NWD2: variants seen among roughly 807,000 people sequenced by gnomAD.
The protein encoded by NWD2 is NACHT and WD repeat domain-containing protein 2.
NWD2 carries 37 observed loss-of-function variants against 132.7 expected under a neutral mutation model. That is an observed-to-expected ratio of 0.28 (90% confidence interval 0.21 to 0.37). NWD2 has a LOEUF of 0.37. Ranked by LOEUF, NWD2 falls within the 10% of genes least tolerant of loss-of-function variation. The probability of loss-of-function intolerance (pLI) is 1.00; values close to 1 mark genes in which losing one functional copy is unlikely to be tolerated. For missense variants in NWD2, 1,592 were observed against 2,122.4 expected (o/e 0.75, Z 4.91); for synonymous variants, 705 against 803.0 (o/e 0.88, Z 2.06).
intron 5 of NWD2, among the ~76,000 whole-genome samples, chr4:37,437,820 T>C (rs781699899): frequency 1.3e-5 from 2 of 152,238 alleles, no homozygotes; most frequent in African/African-American, 2.4e-5. Context: ...CAAGCATATG[T>C]ATTGTAAGCC....
At chr4:37,287,894 A>G (rs1718268105) in intron 1 of NWD2, among the ~76,000 whole-genome samples, 1 of 152,222 alleles carries the variant, frequency 6.6e-6, no homozygotes, top group Admixed American at 6.5e-5. Flanking sequence ...ACAATAGCAA[A>G]GTCATGGAAC....
intron 2 of NWD2, among the ~76,000 whole-genome samples, chr4:37,333,716 A>T (rs7434368): frequency 1.3e-5 from 2 of 152,004 alleles, no homozygotes; most frequent in African/African-American, 4.8e-5. Flanking sequence ...GATCTCCCCA[A>T]ATGAGTTCAG....
chr4:37,389,039 G>C (rs1211517297), intron 3 of NWD2, among the ~76,000 whole-genome samples: 2 of 152,108 alleles, frequency 1.3e-5, no homozygotes, highest in Admixed American at 1.3e-4. Flanking sequence ...AAAACCATGA[G>C]AAGGGATGGA....
intron 3 of NWD2, among the ~76,000 whole-genome samples, chr4:37,374,333 T>G (rs1284091514): frequency 6.6e-5 from 10 of 152,176 alleles, no homozygotes; most frequent in Non-Finnish European, 1.5e-4. Flanking sequence ...ATGCCATGCT[T>G]GTTGTACAGC....
chr4:37,363,494 A>G (rs1720023766), intron 3 of NWD2, among the ~76,000 whole-genome samples: 1 of 152,228 alleles, frequency 6.6e-6, no homozygotes. Flanking sequence ...AGCAACATGG[A>G]TGAAGCTGGA....
intron 3 of NWD2, among the ~76,000 whole-genome samples, chr4:37,416,770 T>G (rs1363559781): frequency 1.3e-5 from 2 of 152,124 alleles, no homozygotes; most frequent in Non-Finnish European, 2.9e-5. Flanking sequence ...TACTCAGCTA[T>G]AAAAAGGAAT....
chr4:37,371,661 T>C (rs1373224409), intron 3 of NWD2, among the ~76,000 whole-genome samples: 1 of 152,230 alleles, frequency 6.6e-6, no homozygotes, highest in Non-Finnish European at 1.5e-5. Flanking sequence ...TTTATTTACC[T>C]GAGGGAACCA....
At chr4:37,326,432 C>G (rs968192816) in intron 2 of NWD2, among the ~76,000 whole-genome samples, 2 of 152,142 alleles carry the variant, frequency 1.3e-5, no homozygotes, top group African/African-American at 2.4e-5. Flanking sequence ...GCCTTGCCTT[C>G]TGTCTTGCCT....
chr4:37,410,394 G>A lies in NWD2; in HGVS notation c.358-20178G>A, dbSNP rs187075600. 5.0e-3 allele frequency among the ~76,000 whole-genome samples: 756 copies of A among 152,084 alleles called. 7 individuals are homozygous for A. The highest frequency in any genetic ancestry group is 0.017 in the Middle Eastern group (5 of 294). On this transcript the variant is annotated intron_variant, in intron 3 of 6. Coordinates refer to ENST00000309447, the MANE Select transcript of NWD2 (RefSeq NM_001144990.2). ...AACACACTTTAAACCAACAAAGAACGAAAGAGAAAAAGCCATTACATAATG... is the reference window on the plus strand; with the variant it reads ...AACACACTTTAAACCAACAAAGAACAAAAGAGAAAAAGCCATTACATAATG...
rs1166347977 is a variant in NWD2 at position 37,443,875 on chromosome 4, C to T, written c.1887C>T (p.Val629=). 9 of 1,552,140 alleles carry T rather than the reference C, an allele frequency of 5.8e-6. No individual in the cohort carries two copies. The highest frequency in any genetic ancestry group is 2.4e-5 in the East Asian group (1 of 40,922). Residue 629 remains valine (V), a synonymous_variant, in exon 7 of 7, where the codon GTC becomes GTT. Coordinates refer to ENST00000309447, the MANE Select transcript of NWD2 (RefSeq NM_001144990.2). The surrounding 1 kb of genome is among the most constrained non-coding windows in gnomAD (Gnocchi z 4.1). Reference sequence around the variant, plus strand: ...GGCACTGGAGATCTCACAAAGACGTCGATGAATCCTCCCTCTCTGTCACCG... The same window carrying T: ...GGCACTGGAGATCTCACAAAGACGTTGATGAATCCTCCCTCTCTGTCACCG... The part of the protein sequence containing the change: ...EVRHWRSHKD[V]DESSLSVTVH...
At chr4:37,320,277 G>C (rs113249600) in intron 1 of NWD2, among the ~76,000 whole-genome samples, 1 of 152,172 alleles carries the variant, frequency 6.6e-6, no homozygotes, top group South Asian at 2.1e-4. Context: ...AGATTTTAGA[G>C]GATACATGGT....
chr4:37,333,535 C>T (rs77692507), intron 2 of NWD2, among the ~76,000 whole-genome samples: 21,103 of 152,152 alleles, frequency 0.14, 2,045 homozygotes, highest in East Asian at 0.36. Flanking sequence ...AATACAGTTA[C>T]AGCTACAGTG....
At chr4:37,364,125 G>A (rs567038389) in intron 3 of NWD2, among the ~76,000 whole-genome samples, 10 of 152,158 alleles carry the variant, frequency 6.6e-5, no homozygotes, top group South Asian at 2.1e-4. Flanking sequence ...GCTACAGAGC[G>A]AGACTCTGTC....
chr4:37,422,207 G>C (rs1448057712), intron 3 of NWD2, among the ~76,000 whole-genome samples: 2 of 152,084 alleles, frequency 1.3e-5, no homozygotes, highest in Non-Finnish European at 2.9e-5. Context: ...TGCAAACATA[G>C]CTATGAACAC....
chr4:37,415,028 C>A (rs1711547603), intron 3 of NWD2, among the ~76,000 whole-genome samples: 1 of 152,196 alleles, frequency 6.6e-6, no homozygotes, highest in Non-Finnish European at 1.5e-5. Flanking sequence ...AGTTAAACTA[C>A]ATTCAATGTC....
intron 5 of NWD2, among the ~76,000 whole-genome samples, chr4:37,436,892 G>C (rs1174514572): frequency 1.3e-5 from 2 of 151,976 alleles, no homozygotes; most frequent in East Asian, 3.9e-4. Flanking sequence ...CCTTTAACTG[G>C]CTTCCTTAAC....
chr4:37,280,539 A>AT (rs201822505), intron 1 of NWD2, among the ~76,000 whole-genome samples: 1,713 of 152,076 alleles, frequency 0.011, 30 homozygotes, highest in African/African-American at 0.038. Flanking sequence ...GGGAATCAAT[A>AT]TTTTTTTTCT....
intron 3 of NWD2, among the ~76,000 whole-genome samples, chr4:37,389,967 A>T (rs189792775): frequency 1.5e-3 from 224 of 152,128 alleles, no homozygotes; most frequent in Non-Finnish European, 2.2e-3. Flanking sequence ...TCTGGTAGAG[A>T]TGGGGTTTCA....
At chr4:37,352,125 T>G (rs955879684) in intron 2 of NWD2, among the ~76,000 whole-genome samples, 6 of 152,154 alleles carry the variant, frequency 3.9e-5, no homozygotes, top group African/African-American at 1.4e-4. Context: ...AGAATAAGTG[T>G]GATGATGTGC....
Sources: gnomAD v4.1 joint callset for allele counts (sites outside exome capture counted in the v4.1 genomes callset) on GRCh38, gnomAD v4.1.1 for gene constraint, Gnocchi (gnomAD v3.1) non-coding constraint, MANE v1.5 for transcripts, NCBI Gene and HGNC (gene_info 2026-07-23, HGNC 2026-07-21) for gene names.